The following RSAD2 variants were observed in gnomAD, a reference collection of about 807,000 sequenced individuals.
RSAD2 encodes S-adenosylmethionine-dependent nucleotide dehydratase RSAD2.
Under a neutral mutation model 37.7 loss-of-function variants are expected in RSAD2, and 38 were observed. The ratio of observed to expected loss-of-function variants is 1.01; its 90% CI spans 0.78 to 1.32. RSAD2 has a LOEUF of 1.32. Ranked by LOEUF, RSAD2 falls within the 40% of genes most tolerant of loss-of-function variation. The probability of loss-of-function intolerance (pLI) is 0.00; values close to 1 mark genes in which losing one functional copy is unlikely to be tolerated. For missense variants in RSAD2, 428 were observed against 437.5 expected, an observed-to-expected ratio of 0.98 and a Z score of 0.19; for synonymous variants, 163 against 157.4, an observed-to-expected ratio of 1.04 and a Z score of -0.27.
chr2:6,893,163 C>T (rs1430491617), intron 4 of RSAD2, among the ~76,000 whole-genome samples: 2 of 152,152 alleles, frequency 1.3e-5, no homozygotes, highest in African/African-American at 4.8e-5. Flanking sequence ...ATCAACAGTG[C>T]AGGTACAGCT....
In RSAD2 at chr2:6,895,844, G is replaced by C. The variant is rs989725335; in HGVS notation, c.988G>C (p.Glu330Gln). 1 of 1,614,174 alleles carries C rather than the reference G, an allele frequency of 6.2e-7. No individual in the cohort carries two copies. The highest frequency in any genetic ancestry group is 8.5e-7 in the Non-Finnish European group (1 of 1,180,004). ...CAAGTCCATCCTGGATGTTGGTGTAGAAGAAGCTATAAAATTCAGTGGATT... is the reference window on the plus strand; with the variant it reads ...CAAGTCCATCCTGGATGTTGGTGTACAAGAAGCTATAAAATTCAGTGGATT... ...PSKSILDVGV[E>Q]EAIKFSGFDE... The change falls in exon 6 of 6, where the codon GAA becomes CAA. Residue 330 changes from glutamate (E) to glutamine (Q), a missense_variant. Transcript: ENST00000382040.
At chr2:6,895,425 C>A (rs1000232648) in intron 5 of RSAD2, among the ~76,000 whole-genome samples, 1 of 152,240 alleles carries the variant, frequency 6.6e-6, no homozygotes, top group Non-Finnish European at 1.5e-5. Flanking sequence ...TTTTATGATA[C>A]CATTCCCTCC....
At chr2:6,882,258 T>A (rs1329374733) in intron 1 of RSAD2, among the ~76,000 whole-genome samples, 1 of 151,990 alleles carries the variant, frequency 6.6e-6, no homozygotes, top group Non-Finnish European at 1.5e-5. Context: ...AGAGAGTATG[T>A]AGGAAGAAGA....
intron 3 of RSAD2, among the ~76,000 whole-genome samples, chr2:6,889,265 C>A (rs1663582202): frequency 6.6e-6 from 1 of 152,154 alleles, no homozygotes; most frequent in Non-Finnish European, 1.5e-5. Context: ...GGGTGACAAC[C>A]CCTCCCAAGA....
Position 6,890,193 on chromosome 2 carries a change from A to AATTGAGGG in RSAD2, c.757_764dup (p.Glu256LeufsTer11), listed in dbSNP as rs747934031. On this transcript the variant is annotated frameshift_variant, in exon 4 of 6. Coordinates refer to ENST00000382040, the MANE Select transcript of RSAD2 (RefSeq NM_080657.5). LOFTEE classifies it high-confidence loss of function. ...CCTTTCAGGTGTTCCAGTGCCTCTT[A>AATTGAGGG]ATTGAGGGTGAGAATTGTGGAGAAG... 6.2e-7 allele frequency: 1 copy of AATTGAGGG among 1,614,164 alleles called. No homozygotes were observed. Among genetic ancestry groups the AATTGAGGG allele is most frequent in the South Asian group, 1.1e-5 (1 of 91,074 alleles).
chr2:6,872,680 T>C (rs1445247118), intron 1 of RSAD2, among the ~76,000 whole-genome samples: 1 of 152,158 alleles, frequency 6.6e-6, no homozygotes, highest in African/African-American at 2.4e-5. Context: ...ATCAAAGGTC[T>C]AAGTAAATCA....
rs1479951920 is a variant in RSAD2 at position 6,887,068 on chromosome 2, T to C, written c.642T>C (p.Tyr214=). 2 of 1,614,132 alleles carry C rather than the reference T, an allele frequency of 1.2e-6. No homozygotes were observed. Among genetic ancestry groups the C allele is most frequent in the East Asian group, 2.2e-5 (1 of 44,884 alleles). Residue 214 remains tyrosine, a synonymous_variant, in exon 3 of 6, where the codon TAT becomes TAC. Transcript: ENST00000382040. ...AGCTGAGGAGGTGGTGTAGGGATTA[T>C]AGAGTCGCTTTCAAGATAAATTCTG... ...LQKLRRWCRD[Y]RVAFKINSVI... is the part of the protein sequence containing the mutation.
intron 1 of RSAD2, among the ~76,000 whole-genome samples, chr2:6,883,058 G>A (rs114213586): frequency 0.012 from 1,890 of 152,284 alleles, 40 homozygotes; most frequent in African/African-American, 0.04. Flanking sequence ...CAGCTGGCCC[G>A]TGGACAGTCA....
chr2:6,885,474 A>G (rs1005284037), intron 2 of RSAD2, among the ~76,000 whole-genome samples: 1 of 152,158 alleles, frequency 6.6e-6, no homozygotes, highest in African/African-American at 2.4e-5. Flanking sequence ...AGGTTTATAC[A>G]CCTCACCAAT....
At chr2:6,883,650 A>T in intron 2 of RSAD2, 118 bp downstream of exon 2, 3 of 1,156,270 alleles carry the variant, frequency 2.6e-6, no homozygotes, top group Non-Finnish European at 3.7e-6. Flanking sequence ...AAGGGAGGAA[A>T]AACTAATCTT....
Position 6,890,325 on chromosome 2 carries a change from G to A in RSAD2, c.888G>A (p.Lys296=). ...GCTTGGTGCCTGAATCTAACCAGAA[G>A]GTTGTATAAAGCAAAAGTTGTTTTC... is the stretch of plus-strand genomic sequence containing the variant. The part of the protein sequence containing the change: ...VSCLVPESNQ[K]MKDSYLILDE... The change falls in exon 4 of 6, where the codon AAG becomes AAA. Residue 296 remains lysine, a splice_region_variant and synonymous_variant. Coordinates refer to ENST00000382040, the MANE Select transcript of RSAD2 (RefSeq NM_080657.5). 6.2e-7 allele frequency: 1 copy of A among 1,613,480 alleles called. No homozygotes were observed. Among genetic ancestry groups the A allele is most frequent in the East Asian group, 2.2e-5 (1 of 44,868 alleles).
chr2:6,883,296 G>T (rs1456768014), intron 1 of RSAD2, 75 bp from the exon 2 acceptor site: 1 of 1,488,960 alleles, frequency 6.7e-7, no homozygotes, highest in East Asian at 2.3e-5. Flanking sequence ...TTTACATTGA[G>T]AAAATACTAC....
rs773926727 is a variant in RSAD2, at chr2:6,897,265, A to G, written c.*1323A>G. On this transcript the variant is annotated 3_prime_UTR_variant, in exon 6 of 6. Transcript: ENST00000382040. ...AAAAAAATTTCTTATCATTGTTTCAAAAAAGCAAAATCATGGAAAATTTTT... is the reference window on the plus strand; with the variant it reads ...AAAAAAATTTCTTATCATTGTTTCAGAAAAGCAAAATCATGGAAAATTTTT... 2 of 152,224 alleles carry G rather than the reference A, an allele frequency of 1.3e-5. No homozygotes were observed. The highest frequency in any genetic ancestry group is 2.9e-5 in the Non-Finnish European group (2 of 68,036). 9.4% of individuals were successfully genotyped at this position (152,224 alleles called of 1,614,324 possible).
chr2:6,867,356 GGACCT>G (rs1164751209), intron 1 of RSAD2, among the ~76,000 whole-genome samples: 1 of 152,126 alleles, frequency 6.6e-6, no homozygotes, highest in African/African-American at 2.4e-5. Context: ...TGTTCTCACG[GGACCT>G]TTCCTTTGTG....
intron 1 of RSAD2, among the ~76,000 whole-genome samples, chr2:6,881,304 T>C (rs1663395552): frequency 6.6e-6 from 1 of 152,198 alleles, no homozygotes; most frequent in Non-Finnish European, 1.5e-5. Flanking sequence ...TGTCCAATCA[T>C]AGAGACATCT....
chr2:6,887,506 T>C (rs1360267367), intron 3 of RSAD2, among the ~76,000 whole-genome samples: 1 of 152,240 alleles, frequency 6.6e-6, no homozygotes, highest in East Asian at 1.9e-4. Context: ...TTTTTAAAAC[T>C]CTTGGCTTAT....
At chr2:6,883,781 T>G in intron 2 of RSAD2, 1 of 455,168 alleles carries the variant, frequency 2.2e-6, no homozygotes, top group Non-Finnish European at 3.9e-6. Context: ...GACTATCTTG[T>G]ACATTGCAAT....
At chr2:6,884,802 T>C (rs1663483752) in intron 2 of RSAD2, among the ~76,000 whole-genome samples, 1 of 152,350 alleles carries the variant, frequency 6.6e-6, no homozygotes, top group South Asian at 2.1e-4. Context: ...GGAGGTTTCA[T>C]TGATTTTTGT....
At chr2:6,885,801 T>C (rs1663505403) in intron 2 of RSAD2, among the ~76,000 whole-genome samples, 1 of 152,248 alleles carries the variant, frequency 6.6e-6, no homozygotes, top group African/African-American at 2.4e-5. Flanking sequence ...CTGGTCTGTT[T>C]GGAGATCAGG....
Sources: allele counts gnomAD v4.1 joint callset (sites outside exome capture counted in the v4.1 genomes callset), GRCh38; gene constraint gnomAD v4.1.1; transcripts MANE v1.5; gene names NCBI Gene and HGNC (gene_info 2026-07-23, HGNC 2026-07-21).